The following CRTAM variants were observed in gnomAD, a reference collection of about 807,000 sequenced individuals.
The protein encoded by CRTAM is cytotoxic and regulatory T-cell molecule.
Under a neutral mutation model 50.0 loss-of-function variants are expected in CRTAM, and 44 were observed. The ratio of observed to expected loss-of-function variants is 0.88; its 90% CI spans 0.69 to 1.13. The LOEUF is 1.13. Ranked by LOEUF, CRTAM falls within the 50% of genes most tolerant of loss-of-function variation. CRTAM has a pLI of 0.00. For missense variants in CRTAM, 448 were observed against 457.5 expected, an observed-to-expected ratio of 0.98 and a Z score of 0.19; for synonymous variants, 159 against 169.3, an observed-to-expected ratio of 0.94 and a Z score of 0.47.
chr11:122,867,309 A>T, intron 7 of CRTAM, 100 bp from the exon 8 acceptor site: 1 of 1,037,486 alleles, frequency 9.6e-7, no homozygotes, highest in South Asian at 1.7e-5. Flanking sequence ...GCTGTCTATT[A>T]GCTTATATCA....
chr11:122,843,501 C>T (rs115814865), intron 1 of CRTAM, among the ~76,000 whole-genome samples: 2,160 of 152,222 alleles, frequency 0.014, 60 homozygotes, highest in African/African-American at 0.049. Flanking sequence ...TGTGGGGAGC[C>T]GTGCAGGGCT....
chr11:122,853,753 G>C (rs1198514002), intron 3 of CRTAM, among the ~76,000 whole-genome samples, 190 bp from the exon 4 acceptor site: 3 of 151,908 alleles, frequency 2.0e-5, no homozygotes, highest in Non-Finnish European at 2.9e-5. Flanking sequence ...GGGAGGTGGC[G>C]GTTTCAGTGA....
chr11:122,846,821 T>C (rs1173793514), intron 1 of CRTAM, among the ~76,000 whole-genome samples: 1 of 152,206 alleles, frequency 6.6e-6, no homozygotes, highest in Non-Finnish European at 1.5e-5. Context: ...CTGGAACTGC[T>C]TCTTCCTTAA....
chr11:122,838,978 G>A (rs1303037803), intron 1 of CRTAM, among the ~76,000 whole-genome samples: 1 of 152,044 alleles, frequency 6.6e-6, no homozygotes, highest in Non-Finnish European at 1.5e-5. Context: ...GCCCAGGCTG[G>A]AGTGCAGCGG....
chr11:122,855,617 C>A, intron 4 of CRTAM, 78 bp from the exon 5 acceptor site: 2 of 1,212,624 alleles, frequency 1.6e-6, no homozygotes, highest in Admixed American at 2.0e-5. Context: ...GCCATGAAGT[C>A]AAGGCCATTG....
intron 7 of CRTAM, among the ~76,000 whole-genome samples, chr11:122,865,428 T>C (rs550209780): frequency 1.4e-4 from 21 of 152,166 alleles, no homozygotes; most frequent in African/African-American, 4.8e-4. Context: ...TTTCTGGTTT[T>C]GTTTTGTTTT....
At chr11:122,853,546 C>A (rs114532269) in intron 3 of CRTAM, among the ~76,000 whole-genome samples, 2 of 151,702 alleles carry the variant, frequency 1.3e-5, no homozygotes, top group African/African-American at 2.4e-5. Flanking sequence ...ATGGGCCGGG[C>A]GCAGTGGCTC....
At chr11:122,842,262 G>A (rs1861807844) in intron 1 of CRTAM, among the ~76,000 whole-genome samples, 2 of 151,876 alleles carry the variant, frequency 1.3e-5, no homozygotes. Context: ...AAATTCATGG[G>A]TTATATGTTT....
chr11:122,845,008 G>A (rs1406230561), intron 1 of CRTAM, among the ~76,000 whole-genome samples: 2 of 152,222 alleles, frequency 1.3e-5, no homozygotes, highest in African/African-American at 4.8e-5. Context: ...CTGATCATCA[G>A]AAAGGTGATG....
chr11:122,863,534 C>A (rs978737014), intron 6 of CRTAM, among the ~76,000 whole-genome samples: 1 of 152,044 alleles, frequency 6.6e-6, no homozygotes, highest in African/African-American at 2.4e-5. Context: ...GTTCATAGTT[C>A]TGAGTATCAG....
At chr11:122,854,586 G>C (rs1226531908) in intron 4 of CRTAM, among the ~76,000 whole-genome samples, 1 of 151,514 alleles carries the variant, frequency 6.6e-6, no homozygotes, top group Non-Finnish European at 1.5e-5. Context: ...CTTGAACCCA[G>C]GAGGTGGAGG....
In CRTAM at chr11:122,861,361, T is replaced by C. The variant is rs189338959; in HGVS notation, c.653-1103T>C. Among the ~76,000 whole-genome samples, 461 of 94,154 alleles carry C rather than the reference T, an allele frequency of 4.9e-3. 2 individuals carry two copies. The highest frequency in any genetic ancestry group is 6.7e-3 in the Non-Finnish European group (311 of 46,430). The allele number at this position is 94,154 out of a possible 152,430, so 61.8% of individuals were successfully genotyped here. ...TGTGACGTGTCAGTATATATATATA[T>C]ACACACACACACACATACATATACG... On this transcript the variant is annotated intron_variant, in intron 5 of 9. Transcript: ENST00000227348.
At chr11:122,870,899 T>C (rs937562516) in intron 9 of CRTAM, among the ~76,000 whole-genome samples, 1 of 152,006 alleles carries the variant, frequency 6.6e-6, no homozygotes, top group Non-Finnish European at 1.5e-5. Context: ...GGCAATATAG[T>C]GAAACCCCGT....
intron 3 of CRTAM, 100 bp downstream of exon 3, chr11:122,851,945 G>A (rs943292535): frequency 2.8e-6 from 3 of 1,065,836 alleles, no homozygotes; most frequent in African/African-American, 3.2e-5. Flanking sequence ...GTTGCCTAGA[G>A]CAAGGAATTG....
At chr11:122,846,905 G>A (rs911171246) in intron 1 of CRTAM, among the ~76,000 whole-genome samples, 2 of 152,140 alleles carry the variant, frequency 1.3e-5, no homozygotes, top group African/African-American at 2.4e-5. Flanking sequence ...AAATAGTCCT[G>A]TAACACTGGG....
At chr11:122,870,316 A>G (rs1036174256) in intron 9 of CRTAM, among the ~76,000 whole-genome samples, 1 of 152,058 alleles carries the variant, frequency 6.6e-6, no homozygotes, top group Admixed American at 6.6e-5. Flanking sequence ...CCTGGACTCA[A>G]GTGATCCACC....
At chr11:122,851,283 A>G (rs1295449649) in intron 2 of CRTAM, among the ~76,000 whole-genome samples, 1 of 144,328 alleles carries the variant, frequency 6.9e-6, no homozygotes, top group Non-Finnish European at 1.5e-5. Context: ...AAAAAAAAAA[A>G]GTTATGCTTT....
chr11:122,863,228 CGAAAGAAA>C lies in CRTAM; in HGVS notation c.733+699_733+706del, dbSNP rs150041954. On this transcript the variant is annotated intron_variant, in intron 6 of 9. Coordinates refer to ENST00000227348, the MANE Select transcript of CRTAM (RefSeq NM_019604.4). Reference sequence around the variant, plus strand: ...TAGCAGCTTCTCAGAAAATGAATTACGAAAGAAAGAAAGAAAGAAAGAGAGAAAGAAAA... The same window carrying C: ...TAGCAGCTTCTCAGAAAATGAATTACGAAAGAAAGAAAGAGAGAAAGAAAA... Among the ~76,000 whole-genome samples the C allele has an allele frequency of 2.6e-4, 28 of 108,674 alleles. 1 individual carries two copies. The highest frequency in any genetic ancestry group is 7.2e-4 in the East Asian group (3 of 4,180). 71.3% of individuals were successfully genotyped at this position (108,674 alleles called of 152,430 possible).
intron 5 of CRTAM, among the ~76,000 whole-genome samples, chr11:122,857,935 G>C (rs1167571531): frequency 6.6e-6 from 1 of 152,166 alleles, no homozygotes; most frequent in African/African-American, 2.4e-5. Flanking sequence ...TTTTGAGACA[G>C]GGTCTCACTC....
Sources: gnomAD v4.1 joint callset for allele counts (sites outside exome capture counted in the v4.1 genomes callset) on GRCh38, gnomAD v4.1.1 for gene constraint, MANE v1.5 for transcripts, NCBI Gene and HGNC (gene_info 2026-07-23, HGNC 2026-07-21) for gene names.